The following DLC1 variants were observed in gnomAD, a reference collection of about 807,000 sequenced individuals.
The protein encoded by DLC1 is rho GTPase-activating protein 7.
Under a neutral mutation model 140.3 loss-of-function variants are expected in DLC1, and 54 were observed. That is an observed-to-expected ratio of 0.38 (90% confidence interval 0.31 to 0.48). The LOEUF (loss-of-function observed/expected upper bound fraction) is 0.48. DLC1 is among the 20% of genes least tolerant of loss of function. The pLI, the probability that DLC1 is intolerant of heterozygous loss-of-function variation, is 0.96. For missense variants in DLC1, 2,536 were observed against 1,907.0 expected (o/e 1.33, Z -6.14); for synonymous variants, 986 against 728.1 (o/e 1.35, Z -5.70).
intron 5 of DLC1, among the ~76,000 whole-genome samples, chr8:13,123,253 T>A (rs1000283529): frequency 1.3e-5 from 2 of 152,138 alleles, no homozygotes; most frequent in African/African-American, 4.8e-5. Context: ...TCCTGGCCCC[T>A]GTCAGGACCC....
intron 2 of DLC1, 58 bp from the exon 3 acceptor site, chr8:13,401,677 A>G: frequency 6.4e-6 from 10 of 1,570,800 alleles, no homozygotes; most frequent in Non-Finnish European, 3.4e-6. Context: ...ATAAGAATAA[A>G]AAGTTCCCTG....
chr8:13,330,828 A>G (rs549477643), intron 4 of DLC1, among the ~76,000 whole-genome samples: 2 of 152,146 alleles, frequency 1.3e-5, no homozygotes, highest in Non-Finnish European at 2.9e-5. Context: ...ACTGAACATG[A>G]CTCAAAATAC....
intron 1 of DLC1, among the ~76,000 whole-genome samples, chr8:13,535,033 T>A (rs1803228482): frequency 6.6e-6 from 1 of 152,170 alleles, no homozygotes; most frequent in African/African-American, 2.4e-5. Context: ...ACATATTTGT[T>A]GAGAGTTCTT....
intron 1 of DLC1, among the ~76,000 whole-genome samples, chr8:13,544,867 C>G (rs1004299237): frequency 6.6e-6 from 1 of 152,078 alleles, no homozygotes. Flanking sequence ...TATAATGCTG[C>G]TTAAATAAAG....
chr8:13,409,316 C>A (rs924507088), intron 2 of DLC1, among the ~76,000 whole-genome samples: 1 of 152,088 alleles, frequency 6.6e-6, no homozygotes, highest in Non-Finnish European at 1.5e-5. Flanking sequence ...GATATACTCT[C>A]AATTAAGCCA....
At chr8:13,187,847 G>T (rs374483823) in intron 5 of DLC1, among the ~76,000 whole-genome samples, 2 of 152,086 alleles carry the variant, frequency 1.3e-5, no homozygotes, top group African/African-American at 2.4e-5. Flanking sequence ...GGGATTCCTC[G>T]GCTCCCCAAC....
At chr8:13,249,108 C>G (rs1375806892) in intron 5 of DLC1, among the ~76,000 whole-genome samples, 2 of 152,192 alleles carry the variant, frequency 1.3e-5, no homozygotes, top group Non-Finnish European at 2.9e-5. Context: ...CAAAGTCTCG[C>G]TCTTGTTGCC....
At chr8:13,272,922 C>T (rs929666350) in intron 5 of DLC1, among the ~76,000 whole-genome samples, 1 of 152,160 alleles carries the variant, frequency 6.6e-6, no homozygotes, top group African/African-American at 2.4e-5. Context: ...AACTTATACT[C>T]ACTTCTCCAT....
chr8:13,130,927 T>G (rs769779238), intron 5 of DLC1, among the ~76,000 whole-genome samples: 1 of 152,236 alleles, frequency 6.6e-6, no homozygotes. Context: ...TGAACAGTAG[T>G]ACTAATGCAA....
chr8:13,321,516 G>A (rs1048592907), intron 4 of DLC1, among the ~76,000 whole-genome samples: 2 of 114,448 alleles, frequency 1.7e-5, no homozygotes, highest in Non-Finnish European at 1.6e-5. Flanking sequence ...CCAGCCTAGC[G>A]ACAGAGAGAG....
rs1426115349 is a variant in DLC1, at chr8:13,098,531, C to T, written c.3035G>A (p.Ser1012Asn). 2.5e-6 allele frequency: 4 copies of T among 1,614,082 alleles called. No homozygotes were observed. The highest frequency in any genetic ancestry group is 1.1e-5 in the South Asian group (1 of 91,086). Reference sequence around the variant, plus strand: ...AATCTGTAGTGATACAGAGTTGAGGCTTGGCCGATGTGAGCTCTGGAAACT... The same window carrying T: ...AATCTGTAGTGATACAGAGTTGAGGTTTGGCCGATGTGAGCTCTGGAAACT... ...WHSFQSSHRPSLNSVSLQINC... is the reference protein window; with the variant it reads ...WHSFQSSHRPNLNSVSLQINC... Residue 1012 changes from serine (S) to asparagine (N), a missense_variant, in exon 10 of 18, where the codon AGC (serine) becomes AAC (asparagine). Physicochemically the swap from Ser to Asn is conservative, Grantham distance 46 (BLOSUM62 1). Transcript: ENST00000276297.
intron 4 of DLC1, among the ~76,000 whole-genome samples, chr8:13,324,904 A>G (rs955621997): frequency 3.3e-5 from 5 of 152,236 alleles, no homozygotes; most frequent in Admixed American, 2.6e-4. Flanking sequence ...GATTAAATAG[A>G]CTTTTGACAA....
chr8:13,573,079 C>T (rs985250881), intron 1 of DLC1, among the ~76,000 whole-genome samples: 2 of 152,126 alleles, frequency 1.3e-5, no homozygotes, highest in African/African-American at 4.8e-5. Flanking sequence ...GTCATCACAA[C>T]AATATTGAGC....
intron 5 of DLC1, among the ~76,000 whole-genome samples, chr8:13,213,636 G>T (rs1828053612): frequency 6.6e-6 from 1 of 152,132 alleles, no homozygotes; most frequent in South Asian, 2.1e-4. Flanking sequence ...TTCCCTGTTT[G>T]ATGCCTCTTC....
At chr8:13,328,605 A>G (rs1173092825) in intron 4 of DLC1, among the ~76,000 whole-genome samples, 4 of 152,158 alleles carry the variant, frequency 2.6e-5, no homozygotes, top group African/African-American at 9.7e-5. Flanking sequence ...TCTGGAGGTG[A>G]GAATAGAGGT....
intron 13 of DLC1, among the ~76,000 whole-genome samples, chr8:13,091,676 T>C (rs1818087140): frequency 6.6e-6 from 1 of 152,106 alleles, no homozygotes; most frequent in Non-Finnish European, 1.5e-5. Context: ...AACCATTTAA[T>C]TAAATAGGTT....
Position 13,529,843 on chromosome 8 carries a change from T to A in DLC1, c.-125-29647A>T, listed in dbSNP as rs1482959103. ...GCATACTAAGTTGAATAACAATATATTTTTTTTCTATTGTGAGCTCAAGGC... is the reference window on the plus strand; with the variant it reads ...GCATACTAAGTTGAATAACAATATAATTTTTTTCTATTGTGAGCTCAAGGC... On this transcript the variant is annotated intron_variant, in intron 1 of 1. Coordinates refer to the DLC1 transcript ENST00000631382. 2.0e-5 allele frequency among the ~76,000 whole-genome samples: 3 copies of A among 152,034 alleles called. No homozygotes were observed. In the East Asian group the frequency reaches 5.8e-4, roughly 29 times the overall value.
intron 5 of DLC1, among the ~76,000 whole-genome samples, chr8:13,289,085 T>C (rs1415398182): frequency 2.6e-5 from 4 of 152,200 alleles, no homozygotes; most frequent in Non-Finnish European, 5.9e-5. Context: ...CTGTTCCTTT[T>C]TCCTAAGGCA....
intron 6 of DLC1, among the ~76,000 whole-genome samples, chr8:13,113,284 G>A (rs1444576307): frequency 6.6e-6 from 1 of 152,148 alleles, no homozygotes; most frequent in Admixed American, 6.5e-5. Context: ...CTTAACAGGG[G>A]GACATGTGTG....
Sources: gnomAD v4.1 joint callset for allele counts (sites outside exome capture counted in the v4.1 genomes callset) on GRCh38, gnomAD v4.1.1 for gene constraint, MANE v1.5 for transcripts, NCBI Gene and HGNC (gene_info 2026-07-23, HGNC 2026-07-21) for gene names.